The following UNC13C variants were observed in gnomAD, a reference collection of about 807,000 sequenced individuals.
UNC13C encodes the protein protein unc-13 homolog C.
In UNC13C, 174 loss-of-function variants were observed where a neutral mutation model predicts 245.4. The ratio of observed to expected loss-of-function variants is 0.71; its 90% CI spans 0.63 to 0.80. UNC13C has a LOEUF of 0.80. Among genes scored for constraint, UNC13C ranks in the 30% least tolerant of loss-of-function variants. The probability of loss-of-function intolerance (pLI) is 0.00; values close to 1 mark genes in which losing one functional copy is unlikely to be tolerated. For synonymous variants in UNC13C, 992 were observed against 895.1 expected (o/e 1.11, Z -1.93); for missense variants, 2,829 against 2,602.9 (o/e 1.09, Z -1.89).
intron 2 of UNC13C, among the ~76,000 whole-genome samples, chr15:54,034,459 G>T (rs1896488842): frequency 1.3e-5 from 2 of 151,958 alleles, no homozygotes; most frequent in Non-Finnish European, 2.9e-5. Flanking sequence ...TTGAATTAGT[G>T]GTATTAACTC....
chr15:54,547,235 T>C (rs1677984534), intron 27 of UNC13C, among the ~76,000 whole-genome samples: 1 of 144,544 alleles, frequency 6.9e-6, no homozygotes, highest in African/African-American at 2.9e-5. Context: ...CACTGCTATT[T>C]GGATTTTTTT....
intron 8 of UNC13C, 42 bp downstream of exon 8, chr15:54,250,486 G>A (rs758487049): frequency 6.6e-7 from 1 of 1,526,282 alleles, no homozygotes; most frequent in South Asian, 1.3e-5. Flanking sequence ...TGCAGAGCCT[G>A]CCTTATTCCA....
intron 19 of UNC13C, among the ~76,000 whole-genome samples, chr15:54,473,618 A>G (rs949070534): frequency 6.6e-6 from 1 of 151,934 alleles, no homozygotes; most frequent in African/African-American, 2.4e-5. Context: ...ATTTGACATC[A>G]TATAATGACC....
At chr15:54,297,982 T>G in intron 12 of UNC13C, 56 bp downstream of exon 12, 1 of 1,188,498 alleles carries the variant, frequency 8.4e-7, no homozygotes, top group South Asian at 1.4e-5. Context: ...TGATTATGGA[T>G]TATAAAACAG....
chr15:54,050,575 C>T (rs1214532828), intron 2 of UNC13C: 4 of 431,324 alleles, frequency 9.3e-6, no homozygotes, highest in Non-Finnish European at 4.6e-6. Context: ...TGAGCTGCTA[C>T]ACTTTTTTCC....
the UNC13C span, among the ~76,000 whole-genome samples, chr15:53,951,856 T>C: frequency 1.3e-5 from 2 of 152,176 alleles, no homozygotes; most frequent in Non-Finnish European, 2.9e-5. Flanking sequence ...ATTCATCTTA[T>C]TGAAAATTCA....
chr15:54,453,907 C>G (rs950581380), intron 19 of UNC13C, among the ~76,000 whole-genome samples: 3 of 152,116 alleles, frequency 2.0e-5, no homozygotes, highest in Non-Finnish European at 2.9e-5. Context: ...AGCACCCCAT[C>G]TAGTTACAAA....
At chr15:54,624,311 G>A (rs980025749) in intron 32 of UNC13C, among the ~76,000 whole-genome samples, 1 of 152,156 alleles carries the variant, frequency 6.6e-6, no homozygotes, top group African/African-American at 2.4e-5. Flanking sequence ...TGGGAGGTCA[G>A]GGAAGCCTCT....
intron 17 of UNC13C, among the ~76,000 whole-genome samples, chr15:54,368,252 G>A (rs568235162): frequency 1.3e-5 from 2 of 152,188 alleles, no homozygotes; most frequent in African/African-American, 4.8e-5. Context: ...GTTATCTAAA[G>A]AATGAATTGT....
rs191880300 is a variant in UNC13C, at chr15:54,229,984, G to A, written c.3072-5046G>A. ...TTAAGACTGACTAGTATTCTATTGT[G>A]TATATATGCCACATTTTCTTTATCC... On this transcript the variant is annotated intron_variant, in intron 4 of 32. Coordinates refer to ENST00000260323, the MANE Select transcript of UNC13C (RefSeq NM_001080534.3). 5.4e-4 allele frequency among the ~76,000 whole-genome samples: 82 copies of A among 151,674 alleles called. 1 individual carries two copies. The highest frequency in any genetic ancestry group is 8.2e-4 in the Non-Finnish European group (56 of 67,882).
the UNC13C span, among the ~76,000 whole-genome samples, chr15:53,869,656 C>T: frequency 6.6e-6 from 1 of 152,198 alleles, no homozygotes; most frequent in African/African-American, 2.4e-5. Context: ...AGATATTCTG[C>T]CTGTCAGTCT....
chr15:54,590,767 A>G (rs568661024), intron 30 of UNC13C, among the ~76,000 whole-genome samples: 98 of 152,236 alleles, frequency 6.4e-4, no homozygotes, highest in African/African-American at 2.3e-3. Context: ...CTCTTTAACT[A>G]TTTAGATGTC....
At chr15:54,217,418 G>A (rs2035074695) in intron 4 of UNC13C, among the ~76,000 whole-genome samples, 1 of 151,888 alleles carries the variant, frequency 6.6e-6, no homozygotes, top group South Asian at 2.1e-4. Context: ...AAATACAATA[G>A]GGGGTATGAT....
rs3985786 is a variant in UNC13C at position 54,017,484 on chromosome 15, ATGTGTG to A, written c.2983+1623_2983+1628del. On this transcript the variant is annotated intron_variant, in intron 2 of 32. Transcript: ENST00000260323. ...AATGAAGACTAAGAAGTGCATGAGC[ATGTGTG>A]TGTGTGTGTGTGTGTGTGTGTGTGG... 4.3e-3 allele frequency among the ~76,000 whole-genome samples: 641 copies of A among 147,584 alleles called. 38 individuals are homozygous for A. The South Asian group carries it at 0.13, about 29-fold the overall frequency.
chr15:53,917,982 G>A, the UNC13C span, among the ~76,000 whole-genome samples: 1 of 152,142 alleles, frequency 6.6e-6, no homozygotes, highest in African/African-American at 2.4e-5. Context: ...AGGAAAGTAA[G>A]ACATTCTTTG....
chr15:54,232,538 A>T (rs1172270235), intron 4 of UNC13C, among the ~76,000 whole-genome samples: 1 of 152,150 alleles, frequency 6.6e-6, no homozygotes, highest in African/African-American at 2.4e-5. Context: ...ATTAAGTTTC[A>T]TGGAAAGGAA....
chr15:54,122,731 T>C (rs1186638339), intron 2 of UNC13C, among the ~76,000 whole-genome samples: 1 of 152,096 alleles, frequency 6.6e-6, no homozygotes, highest in African/African-American at 2.4e-5. Context: ...ATGCAGTGTG[T>C]ACAATTTTGC....
intron 1 of UNC13C, among the ~76,000 whole-genome samples, chr15:53,993,433 T>G (rs563341085): frequency 1.3e-5 from 2 of 152,230 alleles, no homozygotes; most frequent in South Asian, 4.1e-4. Flanking sequence ...GCAGCCAACA[T>G]AACATTTTTG....
At chr15:53,969,738 CAT>C in the UNC13C span, among the ~76,000 whole-genome samples, 1 of 145,800 alleles carries the variant, frequency 6.9e-6, no homozygotes, top group Non-Finnish European at 1.5e-5. Flanking sequence ...ATACACTTAA[CAT>C]AAAATTTACC....
Sources: gnomAD v4.1 joint callset for allele counts (sites outside exome capture counted in the v4.1 genomes callset) on GRCh38, gnomAD v4.1.1 for gene constraint, MANE v1.5 for transcripts, NCBI Gene and HGNC (gene_info 2026-07-23, HGNC 2026-07-21) for gene names.